MECOM: variants seen among roughly 807,000 people sequenced by gnomAD.
The protein encoded by MECOM is MDS1 and EVI1 complex locus.
In MECOM, 13 loss-of-function variants were observed where a neutral mutation model predicts 116.3. The observed-to-expected ratio is 0.11, with a 90% CI of 0.07 to 0.18. The LOEUF is 0.18. Ranked by LOEUF, MECOM falls within the 10% of genes least tolerant of loss-of-function variation. MECOM has a pLI of 1.00. For synonymous variants in MECOM, 528 were observed against 535.2 expected, an observed-to-expected ratio of 0.99 and a Z score of 0.19; for missense variants, 1,299 against 1,509.0, an observed-to-expected ratio of 0.86 and a Z score of 2.31.
At chr3:169,613,105 T>C (rs1769484987) in intron 1 of MECOM, among the ~76,000 whole-genome samples, 1 of 152,224 alleles carries the variant, frequency 6.6e-6, no homozygotes, top group Non-Finnish European at 1.5e-5. Flanking sequence ...TTACCATTGA[T>C]TTCCACAGTA....
chr3:169,325,765 T>C (rs1721730854), intron 2 of MECOM, among the ~76,000 whole-genome samples: 1 of 152,232 alleles, frequency 6.6e-6, no homozygotes, highest in Non-Finnish European at 1.5e-5. Flanking sequence ...TGAATGTTAT[T>C]TATGATTGGG....
chr3:169,155,000 C>T (rs966036246), intron 2 of MECOM, among the ~76,000 whole-genome samples: 1 of 152,172 alleles, frequency 6.6e-6, no homozygotes, highest in African/African-American at 2.4e-5. Flanking sequence ...CTTTAATGCT[C>T]TTGTCCTCCT....
intron 9 of MECOM, among the ~76,000 whole-genome samples, chr3:169,108,215 G>T (rs1281456785): frequency 6.6e-6 from 1 of 152,082 alleles, no homozygotes; most frequent in Non-Finnish European, 1.5e-5. Flanking sequence ...AAATCTTACA[G>T]CAAAGCAGAT....
At chr3:169,522,718 A>G (rs1230574133) in intron 1 of MECOM, among the ~76,000 whole-genome samples, 2 of 152,244 alleles carry the variant, frequency 1.3e-5, no homozygotes, top group Admixed American at 1.3e-4. Context: ...ATAGACATGG[A>G]TGGTGTGTGT....
chr3:169,606,408 C>CA (rs774934955), intron 1 of MECOM, among the ~76,000 whole-genome samples: 19,704 of 110,082 alleles, frequency 0.18, 1,596 homozygotes, highest in East Asian at 0.29. Flanking sequence ...GTCTTCGTCT[C>CA]AAAAAAAAAA....
At chr3:169,440,939 A>G (rs1349032195) in intron 1 of MECOM, among the ~76,000 whole-genome samples, 1 of 152,310 alleles carries the variant, frequency 6.6e-6, no homozygotes, top group East Asian at 1.9e-4. Flanking sequence ...TCATCTCATT[A>G]AAGGCACAGA....
At chr3:169,655,069 A>AT (rs1775376552) in intron 1 of MECOM, among the ~76,000 whole-genome samples, 1 of 151,704 alleles carries the variant, frequency 6.6e-6, no homozygotes, top group African/African-American at 2.4e-5. Flanking sequence ...GAAAACTTAC[A>AT]TAAAAACCCA....
At chr3:169,586,079 T>A (rs186204891) in intron 1 of MECOM, among the ~76,000 whole-genome samples, 1 of 152,328 alleles carries the variant, frequency 6.6e-6, no homozygotes, top group Non-Finnish European at 1.5e-5. Flanking sequence ...AATAATTAAC[T>A]CAATTTCTAT....
intron 2 of MECOM, among the ~76,000 whole-genome samples, chr3:169,291,134 A>G (rs1442452868): frequency 1.3e-5 from 2 of 152,148 alleles, no homozygotes; most frequent in Non-Finnish European, 2.9e-5. Flanking sequence ...CTCATTTCAT[A>G]TTATTCAAAC....
intron 1 of MECOM, among the ~76,000 whole-genome samples, chr3:169,387,734 G>C (rs1335792665): frequency 9.2e-5 from 14 of 152,060 alleles, no homozygotes; most frequent in South Asian, 8.3e-4. Flanking sequence ...TTTGCAATCT[G>C]TGTGTAGGGG....
intron 2 of MECOM, among the ~76,000 whole-genome samples, chr3:169,326,223 G>T (rs1474398411): frequency 1.3e-5 from 2 of 152,162 alleles, no homozygotes; most frequent in African/African-American, 4.8e-5. Context: ...CTTCTAGGCA[G>T]AAAACAACAC....
chr3:169,371,902 G>A (rs1192427476), intron 2 of MECOM, among the ~76,000 whole-genome samples: 1 of 151,962 alleles, frequency 6.6e-6, no homozygotes, highest in Non-Finnish European at 1.5e-5. Flanking sequence ...TATGTAAGGT[G>A]TCACTGTAGA....
At chr3:169,641,788 A>G (rs1411698487) in intron 1 of MECOM, among the ~76,000 whole-genome samples, 1 of 152,206 alleles carries the variant, frequency 6.6e-6, no homozygotes, top group Non-Finnish European at 1.5e-5. Flanking sequence ...GCAGAGATAG[A>G]ATTTGAATTT....
chr3:169,509,802 A>T (rs1433320209), intron 1 of MECOM, among the ~76,000 whole-genome samples: 1 of 152,224 alleles, frequency 6.6e-6, no homozygotes, highest in African/African-American at 2.4e-5. Context: ...ACCATTGTGA[A>T]TCGTGCTGCT....
intron 12 of MECOM, among the ~76,000 whole-genome samples, chr3:169,097,262 C>T (rs1195467192): frequency 6.6e-6 from 1 of 152,088 alleles, no homozygotes; most frequent in Non-Finnish European, 1.5e-5. Context: ...TAAGCACCAT[C>T]TTCTCAAATC....
intron 2 of MECOM, among the ~76,000 whole-genome samples, chr3:169,197,188 T>C (rs1365662331): frequency 6.6e-6 from 1 of 151,882 alleles, no homozygotes; most frequent in Non-Finnish European, 1.5e-5. Flanking sequence ...AGGAGGATGA[T>C]GTTTGAAAAA....
At chr3:169,477,148 T>TATACAC (rs1400596819) in intron 1 of MECOM, 39 of 42,460 alleles carry the variant, frequency 9.2e-4, no homozygotes, top group African/African-American at 4.0e-3. Flanking sequence ...TATATATATA[T>TATACAC]ACACACACAC....
intron 2 of MECOM, chr3:169,146,428 G>A: frequency 7.2e-7 from 1 of 1,391,642 alleles, no homozygotes; most frequent in Non-Finnish European, 9.6e-7. Flanking sequence ...AGGGGAAGGA[G>A]GAGAAGAGCG....
chr3:169,293,007 G>A (rs1364394507), intron 2 of MECOM, among the ~76,000 whole-genome samples: 3 of 152,108 alleles, frequency 2.0e-5, no homozygotes, highest in African/African-American at 4.8e-5. Flanking sequence ...GTGAGATGAA[G>A]TGACTTATCC....
Sources: allele counts gnomAD v4.1 joint callset (sites outside exome capture counted in the v4.1 genomes callset), GRCh38; gene constraint gnomAD v4.1.1; transcripts MANE v1.5; gene names NCBI Gene and HGNC (gene_info 2026-07-23, HGNC 2026-07-21).